The following RBM33 variants were observed in gnomAD, a reference collection of about 807,000 sequenced individuals.
RBM33 encodes RNA binding motif protein 33.
A neutral mutation model predicts 132.6 loss-of-function variants in RBM33; 28 were observed. The observed-to-expected ratio is 0.21, with a 90% CI of 0.16 to 0.29. RBM33 has a LOEUF of 0.29. Among genes scored for constraint, RBM33 ranks in the 10% least tolerant of loss-of-function variants. RBM33 has a pLI of 1.00. For missense variants in RBM33, 1,291 were observed against 1,518.5 expected (o/e 0.85, Z 2.49); for synonymous variants, 634 against 593.0 (o/e 1.07, Z -1.01).
intron 14 of RBM33, among the ~76,000 whole-genome samples, chr7:155,749,003 C>T (rs1801611022): frequency 6.6e-6 from 1 of 152,122 alleles, no homozygotes; most frequent in Admixed American, 6.5e-5. Flanking sequence ...TTCTCTAGGA[C>T]TGAGAGCTCA....
chr7:155,666,773 G>C (rs993635163), intron 2 of RBM33, among the ~76,000 whole-genome samples: 2 of 152,008 alleles, frequency 1.3e-5, no homozygotes, highest in Non-Finnish European at 2.9e-5. Flanking sequence ...ATACTTACTG[G>C]AAATTTATTT....
chr7:155,720,541 C>G (rs921879939), intron 9 of RBM33, among the ~76,000 whole-genome samples: 16 of 151,904 alleles, frequency 1.1e-4, no homozygotes, highest in African/African-American at 3.9e-4. Flanking sequence ...AAACTTGGTT[C>G]CTGTGAATGT....
At chr7:155,678,487 T>G (rs1436627972) in intron 3 of RBM33, 121 bp from the exon 4 acceptor site, 6 of 616,482 alleles carry the variant, frequency 9.7e-6, no homozygotes, top group Non-Finnish European at 1.4e-5. Flanking sequence ...CCAGAAAGCC[T>G]TCCGGGTGGC....
At chr7:155,712,968 T>G (rs1335112192) in intron 8 of RBM33, among the ~76,000 whole-genome samples, 1 of 152,158 alleles carries the variant, frequency 6.6e-6, no homozygotes, top group Non-Finnish European at 1.5e-5. Context: ...AGCTGGTGTC[T>G]AGCTAGGAGG....
In RBM33 at chr7:155,644,773, C is replaced by A; in HGVS notation, c.-104C>A. 1 of 986,690 alleles carries A rather than the reference C, an allele frequency of 1.0e-6. No homozygotes were observed. The highest frequency in any genetic ancestry group is 1.4e-6 in the Non-Finnish European group (1 of 715,092). The allele number at this position is 986,690 out of a possible 1,614,324, so 61.1% of individuals were successfully genotyped here. A position where few individuals can be genotyped will look rare whatever the true frequency, so the allele number is the denominator to read the frequency against. ...CTTCGCCTCTGCCTCCTGCAGCCCC[C>A]TCCCTTCTCTGTCCTCCGTCACCCG... On this transcript the variant is annotated 5_prime_UTR_variant, in exon 1 of 18. Coordinates refer to ENST00000401878, the MANE Select transcript of RBM33 (RefSeq NM_053043.3).
chr7:155,666,777 T>C (rs1798814144), intron 2 of RBM33, among the ~76,000 whole-genome samples: 1 of 152,240 alleles, frequency 6.6e-6, no homozygotes, highest in Admixed American at 6.5e-5. Context: ...TTACTGGAAA[T>C]TTATTTTTAT....
intron 1 of RBM33, among the ~76,000 whole-genome samples, chr7:155,657,733 C>A (rs1047076124): frequency 6.6e-6 from 1 of 152,172 alleles, no homozygotes; most frequent in Non-Finnish European, 1.5e-5. Flanking sequence ...CTAATTTCTT[C>A]GCTGTGTCTT....
At chr7:155,766,387 T>C (rs1802217700) in intron 15 of RBM33, 80 bp from the exon 16 acceptor site, 1 of 1,444,420 alleles carries the variant, frequency 6.9e-7, no homozygotes, top group African/African-American at 1.4e-5. Flanking sequence ...TTCTAAGTTA[T>C]TTGTTCACTT....
Position 155,741,934 on chromosome 7 carries a change from G to C in RBM33, c.2165G>C (p.Ser722Thr). Residue 722 changes from serine (S) to threonine (T), a missense_variant, in exon 13 of 18, where the codon AGC (serine) becomes ACC (threonine). Physicochemically the swap from Ser to Thr is moderately conservative, Grantham distance 58. Around this residue, in one of 7 missense-constraint regions of RBM33, gnomAD observed 841 missense variants for 912.0 expected, o/e 0.92. Coordinates refer to ENST00000401878, the MANE Select transcript of RBM33 (RefSeq NM_053043.3). The part of the protein sequence containing the change: ...PIAPSHVIEM[S>T]SSRCSATPSA... ...GCGCCGTCACACGTGATAGAAATGA[G>C]CAGCAGCCGCTGCTCTGCCACGCCC... 1.2e-6 allele frequency: 2 copies of C among 1,614,016 alleles called. No homozygotes were observed. The highest frequency in any genetic ancestry group is 1.1e-5 in the South Asian group (1 of 91,076).
At chr7:155,740,915 C>T (rs1801311169) in intron 12 of RBM33, among the ~76,000 whole-genome samples, 1 of 152,070 alleles carries the variant, frequency 6.6e-6, no homozygotes, top group Non-Finnish European at 1.5e-5. Flanking sequence ...AAAAGAGACA[C>T]AGTGTGGTCA....
chr7:155,682,168 G>T (rs543110127), intron 5 of RBM33, among the ~76,000 whole-genome samples: 1 of 152,088 alleles, frequency 6.6e-6, no homozygotes. Context: ...TTATCCGCCC[G>T]CCTCGTCCTC....
intron 5 of RBM33, among the ~76,000 whole-genome samples, chr7:155,685,245 C>T (rs909036448): frequency 1.3e-5 from 2 of 152,040 alleles, no homozygotes; most frequent in African/African-American, 2.4e-5. Context: ...TAGCGTGTGC[C>T]GTTTAAGTGT....
intron 3 of RBM33, 21 bp downstream of exon 3, chr7:155,672,936 T>A: frequency 6.8e-7 from 1 of 1,481,476 alleles, no homozygotes; most frequent in Middle Eastern, 1.7e-4. Flanking sequence ...TATGTCCTTC[T>A]GAGATGAAAT....
chr7:155,753,538 G>A (rs1171576044), intron 14 of RBM33, among the ~76,000 whole-genome samples: 1 of 152,192 alleles, frequency 6.6e-6, no homozygotes, highest in Non-Finnish European at 1.5e-5. Context: ...GCCTGGGAGT[G>A]GATGAGTAGC....
chr7:155,765,825 C>T lies in RBM33; in HGVS notation c.3187-642C>T, dbSNP rs184160461. On this transcript the variant is annotated intron_variant, in intron 15 of 17. Transcript: ENST00000401878. ...AATGCTTAGGCCCGCCTTAGACCAG[C>T]AGAATCATACTTGGGGAGTGCCTGG... Among the ~76,000 whole-genome samples, 6 of 152,330 alleles carry T rather than the reference C, an allele frequency of 3.9e-5. No homozygotes were observed. The East Asian group carries it at 1.2e-3, about 29-fold the overall frequency.
At chr7:155,674,947 T>C (rs536895193) in intron 3 of RBM33, among the ~76,000 whole-genome samples, 1 of 152,342 alleles carries the variant, frequency 6.6e-6, no homozygotes, top group South Asian at 2.1e-4. Context: ...CTTAAAAAGA[T>C]GTAAACAGTC....
At chr7:155,656,332 A>G (rs966690046) in intron 1 of RBM33, among the ~76,000 whole-genome samples, 2 of 151,856 alleles carry the variant, frequency 1.3e-5, no homozygotes, top group Non-Finnish European at 2.9e-5. Flanking sequence ...TCATGGTTAA[A>G]GATCCAATAA....
At chr7:155,764,809 C>T (rs78994553) in intron 15 of RBM33, among the ~76,000 whole-genome samples, 11 of 152,252 alleles carry the variant, frequency 7.2e-5, no homozygotes, top group Non-Finnish European at 1.2e-4. Flanking sequence ...CATTCTCCCT[C>T]GTCATCTCGT....
chr7:155,774,559 A>T lies in RBM33; in HGVS notation c.3376A>T (p.Ser1126Cys). 6.2e-7 allele frequency: 1 copy of T among 1,611,176 alleles called. No individual in the cohort carries two copies. The highest frequency in any genetic ancestry group is 8.5e-7 in the Non-Finnish European group (1 of 1,177,372). The change falls in exon 17 of 18, where the codon AGT (serine) becomes TGT (cysteine). Residue 1126 changes from serine to cysteine, a missense_variant and splice_region_variant. Around this residue, in one of 7 missense-constraint regions of RBM33, gnomAD observed 55 missense variants for 101.4 expected, o/e 0.54. Transcript: ENST00000401878. The surrounding 1 kb of genome is among the most constrained non-coding windows in gnomAD (Gnocchi z 4.2). ...TAAAGTGTTTGTTTTCTTCCTCTAGAGTTTACAGATGCTTCCTCAGCAACG... is the reference window on the plus strand; with the variant it reads ...TAAAGTGTTTGTTTTCTTCCTCTAGTGTTTACAGATGCTTCCTCAGCAACG... ...SLLMSVGPIQ[S>C]LQMLPQQRKA... is the part of the protein sequence containing the mutation.
Sources: gnomAD v4.1 joint callset for allele counts (sites outside exome capture counted in the v4.1 genomes callset) on GRCh38, gnomAD v4.1.1 for gene constraint, gnomAD v4.1.1 regional missense constraint, Gnocchi (gnomAD v3.1) non-coding constraint, MANE v1.5 for transcripts, NCBI Gene and HGNC (gene_info 2026-07-23, HGNC 2026-07-21) for gene names.